The following DLGAP2 variants were observed in gnomAD, a reference collection of about 807,000 sequenced individuals.
DLGAP2 encodes DLG associated protein 2.
In DLGAP2, 26 loss-of-function variants were observed where a neutral mutation model predicts 100.3. That is an observed-to-expected ratio of 0.26 (90% confidence interval 0.19 to 0.36). The LOEUF is 0.36. Ranked by LOEUF, DLGAP2 falls within the 10% of genes least tolerant of loss-of-function variation. The pLI, the probability that DLGAP2 is intolerant of heterozygous loss-of-function variation, is 1.00. For synonymous variants in DLGAP2, 886 were observed against 630.1 expected, an observed-to-expected ratio of 1.41 and a Z score of -6.08; for missense variants, 1,858 against 1,453.2, an observed-to-expected ratio of 1.28 and a Z score of -4.53.
intron 4 of DLGAP2, among the ~76,000 whole-genome samples, chr8:1,505,382 A>T (rs1453495971): frequency 6.6e-6 from 1 of 152,216 alleles, no homozygotes; most frequent in East Asian, 1.9e-4. Context: ...TCAAAGCATC[A>T]ATCTTTTTTT....
At chr8:928,185 A>G (rs1416528334) in intron 2 of DLGAP2, among the ~76,000 whole-genome samples, 2 of 152,186 alleles carry the variant, frequency 1.3e-5, no homozygotes, top group African/African-American at 4.8e-5. Flanking sequence ...CTGAGTTCAT[A>G]TTCAGTAGGC....
chr8:1,023,144 A>G (rs1398876565), intron 2 of DLGAP2, among the ~76,000 whole-genome samples: 3 of 152,200 alleles, frequency 2.0e-5, no homozygotes, highest in Non-Finnish European at 4.4e-5. Context: ...AAATTTTCAA[A>G]GGACACACTG....
chr8:1,158,801 C>A (rs1164348600), intron 2 of DLGAP2, among the ~76,000 whole-genome samples: 1 of 152,222 alleles, frequency 6.6e-6, no homozygotes, highest in African/African-American at 2.4e-5. Context: ...ACATCGACAA[C>A]TGCACAGTTT....
intron 3 of DLGAP2, among the ~76,000 whole-genome samples, chr8:1,452,669 T>A (rs73672709): frequency 0.025 from 3,782 of 152,298 alleles, 129 homozygotes; most frequent in African/African-American, 0.085. Flanking sequence ...CGAAACATTA[T>A]CAGCAAAGGC....
intron 8 of DLGAP2, among the ~76,000 whole-genome samples, chr8:1,661,962 G>A (rs1484350951): frequency 2.6e-5 from 4 of 152,212 alleles, no homozygotes; most frequent in Non-Finnish European, 5.9e-5. Context: ...CAAGACCACA[G>A]GGGAAGAACA....
At chr8:770,986 T>C (rs1821341483) in intron 1 of DLGAP2, among the ~76,000 whole-genome samples, 1 of 152,114 alleles carries the variant, frequency 6.6e-6, no homozygotes, top group Admixed American at 6.5e-5. Flanking sequence ...AAAATATTAC[T>C]GCTAGATGTT....
At chr8:1,274,439 A>G (rs549777745) in intron 3 of DLGAP2, among the ~76,000 whole-genome samples, 1 of 151,076 alleles carries the variant, frequency 6.6e-6, no homozygotes, top group African/African-American at 2.4e-5. Context: ...TTTAGAACAT[A>G]AACCATAAAA....
intron 4 of DLGAP2, among the ~76,000 whole-genome samples, chr8:1,520,977 GA>G (rs1208503698): frequency 3.7e-4 from 56 of 152,340 alleles, no homozygotes; most frequent in African/African-American, 1.3e-3. Context: ...CACGGGTAAT[GA>G]AAGAGTTCCT....
chr8:796,408 C>G (rs1187078180), intron 1 of DLGAP2, among the ~76,000 whole-genome samples: 1 of 152,028 alleles, frequency 6.6e-6, no homozygotes, highest in Non-Finnish European at 1.5e-5. Context: ...CAGGATTTCC[C>G]TGCGACTGCC....
intron 1 of DLGAP2, among the ~76,000 whole-genome samples, chr8:798,256 C>G (rs1202885107): frequency 2.7e-5 from 4 of 149,462 alleles, no homozygotes; most frequent in Admixed American, 2.0e-4. Context: ...AAAGCAAACT[C>G]TTGTTGATTC....
intron 2 of DLGAP2, among the ~76,000 whole-genome samples, chr8:1,097,584 C>G (rs555096693): frequency 6.2e-4 from 82 of 132,006 alleles, no homozygotes; most frequent in Middle Eastern, 5.5e-3. Context: ...GGCCTTCACC[C>G]TCTGTGGCAT....
chr8:1,448,260 G>A (rs1365921478), intron 3 of DLGAP2, among the ~76,000 whole-genome samples: 1 of 152,112 alleles, frequency 6.6e-6, no homozygotes, highest in Non-Finnish European at 1.5e-5. Context: ...TGCTTTGAAT[G>A]TGTCCCAGAG....
chr8:1,280,071 G>A (rs1799786258), intron 3 of DLGAP2, among the ~76,000 whole-genome samples: 2 of 152,250 alleles, frequency 1.3e-5, no homozygotes. Context: ...AGGTCTGGAA[G>A]TTTTGAGCTT....
intron 2 of DLGAP2, among the ~76,000 whole-genome samples, chr8:1,005,949 C>T (rs145611359): frequency 2.0e-4 from 31 of 152,252 alleles, no homozygotes; most frequent in African/African-American, 6.5e-4. Context: ...CGGTGGCTCA[C>T]GTCTGCTGAG....
At chr8:986,000 G>C (rs1267656784) in intron 2 of DLGAP2, among the ~76,000 whole-genome samples, 1 of 152,220 alleles carries the variant, frequency 6.6e-6, no homozygotes, top group East Asian at 1.9e-4. Context: ...TGGTTAGGAA[G>C]AAGTTTCTGG....
intron 6 of DLGAP2, among the ~76,000 whole-genome samples, chr8:1,617,555 C>T (rs1797196505): frequency 1.3e-5 from 2 of 152,116 alleles, no homozygotes; most frequent in Non-Finnish European, 2.9e-5. Flanking sequence ...ATGTTCTTTG[C>T]CCACATTGTT....
intron 1 of DLGAP2, among the ~76,000 whole-genome samples, chr8:807,241 C>T (rs1486646734): frequency 6.6e-6 from 1 of 151,616 alleles, no homozygotes; most frequent in Admixed American, 6.6e-5. Flanking sequence ...TCTCTCTCCT[C>T]TTTTTCTTCT....
intron 3 of DLGAP2, among the ~76,000 whole-genome samples, chr8:1,355,127 T>C (rs970741875): frequency 6.6e-6 from 1 of 152,104 alleles, no homozygotes; most frequent in South Asian, 2.1e-4. Context: ...AAATGTGCGT[T>C]GTATGTTTTA....
chr8:1,158,957 C>T (rs1007845624), intron 2 of DLGAP2, among the ~76,000 whole-genome samples: 1 of 152,214 alleles, frequency 6.6e-6, no homozygotes, highest in Non-Finnish European at 1.5e-5. Context: ...ACTGACCCCT[C>T]TTAAAGGTAC....
Sources: gnomAD v4.1 joint callset for allele counts (sites outside exome capture counted in the v4.1 genomes callset) on GRCh38, gnomAD v4.1.1 for gene constraint, MANE v1.5 for transcripts, NCBI Gene and HGNC (gene_info 2026-07-23, HGNC 2026-07-21) for gene names.